The following DMD variants were observed in gnomAD, a reference collection of about 807,000 sequenced individuals.
DMD encodes dystrophin.
Under a neutral mutation model 330.1 loss-of-function variants are expected in DMD, and 63 were observed. The ratio of observed to expected loss-of-function variants is 0.19; its 90% CI spans 0.16 to 0.24. The LOEUF (loss-of-function observed/expected upper bound fraction) is 0.24, where lower values mean the gene tolerates loss of function less well. DMD is among the 10% of genes least tolerant of loss of function. The pLI, the probability that DMD is intolerant of heterozygous loss-of-function variation, is 1.00. For synonymous variants in DMD, 1,223 were observed against 959.8 expected (o/e 1.27, Z -5.07); for missense variants, 3,344 against 2,684.1 (o/e 1.25, Z -5.43).
At chrX:32,692,205 G>A (rs1197448872) in intron 9 of DMD, among the ~76,000 whole-genome samples, 1 of 112,259 alleles carries the variant, frequency 8.9e-6, no homozygotes, top group Non-Finnish European at 1.9e-5. Context: ...CGATAAGAGT[G>A]TAACTGTTGA....
At chrX:32,522,022 C>T (rs187966739) in intron 17 of DMD, among the ~76,000 whole-genome samples, 81 of 111,889 alleles carry the variant, frequency 7.2e-4, no homozygotes, top group Admixed American at 2.7e-3. Flanking sequence ...ACTAAATCTG[C>T]TAGTTACTTG....
At chrX:32,215,079 T>C (rs922351818) in intron 44 of DMD, among the ~76,000 whole-genome samples, 3 of 111,241 alleles carry the variant, frequency 2.7e-5, no homozygotes, top group Non-Finnish European at 3.8e-5. Flanking sequence ...TTCTAAGAGA[T>C]GAAAATGTCT....
At chrX:31,374,501 G>T (rs1286878074) in intron 60 of DMD, among the ~76,000 whole-genome samples, 1 of 108,762 alleles carries the variant, frequency 9.2e-6, no homozygotes, top group Non-Finnish European at 1.9e-5. Context: ...CATAAAAAAT[G>T]ATGAGTTCAT....
intron 7 of DMD, among the ~76,000 whole-genome samples, chrX:32,764,143 C>A (rs1291963135): frequency 1.9e-5 from 2 of 108,042 alleles, no homozygotes; most frequent in African/African-American, 3.4e-5. Flanking sequence ...GTTTAGAGAA[C>A]AATCTGGAAA....
At chrX:32,197,319 T>C (rs927766064) in intron 44 of DMD, among the ~76,000 whole-genome samples, 2 of 111,428 alleles carry the variant, frequency 1.8e-5, no homozygotes, top group African/African-American at 6.5e-5. Flanking sequence ...TTACAAACAA[T>C]CCAATCACAC....
At chrX:33,081,572 A>T (rs2094930465) in intron 1 of DMD, among the ~76,000 whole-genome samples, 1 of 112,530 alleles carries the variant, frequency 8.9e-6, no homozygotes, top group African/African-American at 3.2e-5. Context: ...TACAAGCACG[A>T]GCCACGGCAC....
At chrX:31,588,371 A>G (rs748010180) in intron 55 of DMD, among the ~76,000 whole-genome samples, 1 of 111,200 alleles carries the variant, frequency 9.0e-6, no homozygotes, top group African/African-American at 3.3e-5. Flanking sequence ...CTGTTGTTAC[A>G]CCAAACCAAT....
chrX:31,807,253 A>G (rs1161055193), intron 50 of DMD, among the ~76,000 whole-genome samples: 2 of 112,224 alleles, frequency 1.8e-5, no homozygotes, highest in Non-Finnish European at 3.8e-5. Context: ...AGGTCTGAAC[A>G]CAAAAAAGAA....
chrX:33,288,612 C>T (rs776718668), intron 1 of DMD, among the ~76,000 whole-genome samples: 13 of 110,728 alleles, frequency 1.2e-4, no homozygotes, highest in South Asian at 7.8e-4. Flanking sequence ...ACAGGTGTCC[C>T]GTCAAACTTT....
chrX:33,222,517 C>T (rs1188450244), intron 1 of DMD, among the ~76,000 whole-genome samples: 1 of 112,412 alleles, frequency 8.9e-6, no homozygotes, highest in East Asian at 2.8e-4. Flanking sequence ...CACTCTTATT[C>T]ACGTACTGCT....
intron 44 of DMD, among the ~76,000 whole-genome samples, chrX:32,014,919 C>T (rs1477244084): frequency 3.6e-5 from 4 of 112,093 alleles, no homozygotes; most frequent in Non-Finnish European, 7.5e-5. Flanking sequence ...AAGGTAAAAT[C>T]AAAGCAGTAC....
At chrX:32,686,568 A>AAAAAAAAAAG (rs2062887680) in intron 9 of DMD, among the ~76,000 whole-genome samples, 1 of 106,655 alleles carries the variant, frequency 9.4e-6, no homozygotes, top group African/African-American at 3.4e-5. Context: ...TCAAAAAAAA[A>AAAAAAAAAAG]AAAAAAAAAA....
rs1170613930 is a variant in DMD at position 31,845,570 on chromosome X, A to AT, written c.7099-8752dup. 2.7e-5 allele frequency among the ~76,000 whole-genome samples: 3 copies of AT among 110,688 alleles called. No homozygotes were observed. The East Asian group carries it at 8.5e-4, about 31-fold the overall frequency. On this transcript the variant is annotated intron_variant, in intron 48 of 78. Transcript: ENST00000357033. ...GCAGATTGGAGGCAAGATTTTAAGG[A>AT]TAAGGGGCTGGTGGAAGAAACATAG...
intron 61 of DMD, among the ~76,000 whole-genome samples, chrX:31,328,246 G>C (rs184417276): frequency 6.4e-5 from 7 of 110,121 alleles, no homozygotes; most frequent in African/African-American, 2.4e-4. Flanking sequence ...AAAATTCCTA[G>C]AAGTATATTT....
chrX:31,669,233 A>T (rs1223208734), intron 53 of DMD, among the ~76,000 whole-genome samples: 2 of 112,099 alleles, frequency 1.8e-5, no homozygotes, highest in African/African-American at 6.5e-5. Context: ...CCAATGATAT[A>T]CAAGTGTTAC....
chrX:32,940,077 G>T (rs1232136157), intron 2 of DMD, among the ~76,000 whole-genome samples: 1 of 111,417 alleles, frequency 9.0e-6, no homozygotes, highest in African/African-American at 3.3e-5. Flanking sequence ...TAATCCTAAG[G>T]AAAAAGAACA....
intron 2 of DMD, among the ~76,000 whole-genome samples, chrX:32,954,501 C>T (rs2091454271): frequency 8.9e-6 from 1 of 111,909 alleles, no homozygotes; most frequent in Non-Finnish European, 1.9e-5. Context: ...ATATATTCTC[C>T]AGTTCCTAGT....
intron 7 of DMD, among the ~76,000 whole-genome samples, chrX:32,804,037 T>C (rs2076778511): frequency 9.0e-6 from 1 of 111,439 alleles, no homozygotes; most frequent in Admixed American, 9.5e-5. Flanking sequence ...TTGATCTGTC[T>C]AATATTGACA....
chrX:31,884,924 C>T (rs1189907029), intron 47 of DMD, among the ~76,000 whole-genome samples: 1 of 110,144 alleles, frequency 9.1e-6, no homozygotes, highest in Non-Finnish European at 1.9e-5. Context: ...TATTTTTGTC[C>T]CTTTTCAAAG....
Sources: gnomAD v4.1 joint callset for allele counts (sites outside exome capture counted in the v4.1 genomes callset) on GRCh38, gnomAD v4.1.1 for gene constraint, MANE v1.5 for transcripts, NCBI Gene and HGNC (gene_info 2026-07-23, HGNC 2026-07-21) for gene names.